CNTN5: variants seen among roughly 807,000 people sequenced by gnomAD.
The protein encoded by CNTN5 is contactin 5, also known as contactin-5.
CNTN5 carries 77 observed loss-of-function variants against 129.1 expected under a neutral mutation model. The ratio of observed to expected loss-of-function variants is 0.60; its 90% CI spans 0.50 to 0.72. The LOEUF is 0.72. Among genes scored for constraint, CNTN5 ranks in the 30% least tolerant of loss-of-function variants. The pLI, the probability that CNTN5 is intolerant of heterozygous loss-of-function variation, is 0.00. For synonymous variants in CNTN5, 509 were observed against 465.6 expected (o/e 1.09, Z -1.20); for missense variants, 1,478 against 1,328.8 (o/e 1.11, Z -1.75).
At chr11:99,255,789 AACACACACACGC>A (rs1454045424) in intron 1 of CNTN5, among the ~76,000 whole-genome samples, 29 of 150,690 alleles carry the variant, frequency 1.9e-4, no homozygotes, top group African/African-American at 6.8e-4. Flanking sequence ...TACATGCATA[AACACACACACGC>A]ACACACACAC....
chr11:99,882,892 C>T (rs1275054832), intron 6 of CNTN5, among the ~76,000 whole-genome samples: 3 of 152,090 alleles, frequency 2.0e-5, no homozygotes, highest in Non-Finnish European at 4.4e-5. Flanking sequence ...CATCTGGTAA[C>T]CATCTTTGTA....
intron 6 of CNTN5, among the ~76,000 whole-genome samples, chr11:99,877,875 C>T (rs1487400632): frequency 6.6e-6 from 1 of 152,158 alleles, no homozygotes; most frequent in Non-Finnish European, 1.5e-5. Flanking sequence ...TTTCACCATT[C>T]ACTATCAAAA....
Position 99,441,219 on chromosome 11 carries a change from C to T in CNTN5, c.-70-114926C>T, listed in dbSNP as rs7949662. Among the ~76,000 whole-genome samples the T allele has an allele frequency of 4.5e-3, 690 of 152,228 alleles. 5 individuals are homozygous for T. Among genetic ancestry groups the T allele is most frequent in the African/African-American group, 0.015 (626 of 41,542 alleles). On this transcript the variant is annotated intron_variant, in intron 2 of 24. Transcript: ENST00000524871. ...TCATGCCTTAACTCTCTCTAAAGAGCGTCAAAATATTGAGAATAATTTCTG... is the reference window on the plus strand; with the variant it reads ...TCATGCCTTAACTCTCTCTAAAGAGTGTCAAAATATTGAGAATAATTTCTG...
intron 2 of CNTN5, among the ~76,000 whole-genome samples, chr11:99,424,244 C>A (rs944850138): frequency 7.9e-5 from 12 of 152,194 alleles, no homozygotes; most frequent in African/African-American, 2.4e-4. Flanking sequence ...ACAAGCACTA[C>A]AATCTAAACA....
At chr11:99,619,465 C>A (rs1198724775) in intron 3 of CNTN5, among the ~76,000 whole-genome samples, 4 of 151,956 alleles carry the variant, frequency 2.6e-5, no homozygotes, top group Non-Finnish European at 5.9e-5. Flanking sequence ...AAATTGCTTC[C>A]ATTTCACATT....
intron 1 of CNTN5, among the ~76,000 whole-genome samples, chr11:99,274,735 C>T (rs895186914): frequency 6.6e-6 from 1 of 151,296 alleles, no homozygotes; most frequent in Non-Finnish European, 1.5e-5. Context: ...TCTGACACTT[C>T]GTAGCTTTGA....
chr11:99,976,694 C>T (rs879535731), intron 8 of CNTN5, among the ~76,000 whole-genome samples: 16 of 152,160 alleles, frequency 1.1e-4, no homozygotes, highest in African/African-American at 3.4e-4. Flanking sequence ...TGCCATGTCC[C>T]GAGGCTGCAC....
intron 4 of CNTN5, among the ~76,000 whole-genome samples, chr11:99,838,871 C>T (rs1041670424): frequency 2.0e-5 from 3 of 152,064 alleles, no homozygotes; most frequent in African/African-American, 4.8e-5. Context: ...ATATAGTATG[C>T]CTTTTGCTTT....
intron 3 of CNTN5, among the ~76,000 whole-genome samples, chr11:99,791,493 T>C (rs1442689904): frequency 1.3e-5 from 2 of 152,122 alleles, no homozygotes; most frequent in African/African-American, 4.8e-5. Context: ...TTTTCTTCTA[T>C]TCATCTATGT....
At chr11:100,202,006 TA>T (rs1225831303) in intron 15 of CNTN5, among the ~76,000 whole-genome samples, 1 of 152,060 alleles carries the variant, frequency 6.6e-6, no homozygotes, top group African/African-American at 2.4e-5. Flanking sequence ...GTTGAATGCC[TA>T]ATAGATACCT....
chr11:99,963,358 G>C (rs1951003429), intron 8 of CNTN5, among the ~76,000 whole-genome samples: 1 of 152,142 alleles, frequency 6.6e-6, no homozygotes, highest in African/African-American at 2.4e-5. Context: ...AGGGGATCCA[G>C]TTTCAGCTTT....
intron 16 of CNTN5, among the ~76,000 whole-genome samples, chr11:100,235,475 G>C (rs1480874488): frequency 6.6e-6 from 1 of 152,060 alleles, no homozygotes; most frequent in East Asian, 1.9e-4. Context: ...AGGAGGAGGC[G>C]GTAAGGTAGA....
intron 9 of CNTN5, among the ~76,000 whole-genome samples, chr11:100,031,668 C>T (rs1287629061): frequency 6.6e-6 from 1 of 152,144 alleles, no homozygotes; most frequent in Non-Finnish European, 1.5e-5. Flanking sequence ...TGATTAATAT[C>T]TTGCTAATCA....
In CNTN5 at chr11:99,505,880, G is replaced by A. The variant is rs112181246; in HGVS notation, c.-70-50265G>A. On this transcript the variant is annotated intron_variant, in intron 2 of 24. Transcript: ENST00000524871. ...CATTTTGCCAGGCTCCTGGTCATTG[G>A]TCCATAAATGAATGACACTCTTCAG... 3.1e-3 allele frequency among the ~76,000 whole-genome samples: 466 copies of A among 152,264 alleles called. 4 individuals carry two copies. The highest frequency in any genetic ancestry group is 0.01 in the African/African-American group (430 of 41,558).
At chr11:99,686,665 G>T (rs1386459390) in intron 3 of CNTN5, among the ~76,000 whole-genome samples, 2 of 151,892 alleles carry the variant, frequency 1.3e-5, no homozygotes, top group African/African-American at 4.8e-5. Flanking sequence ...TTGGCTTTTT[G>T]GGTTTCGGGT....
chr11:99,819,598 T>A lies in CNTN5; in HGVS notation c.110T>A (p.Ile37Asn). ...LSTSYAALLR[I>N]KKSSSSSLFG... ...ACTTCATATGCTGCTTTGTTAAGAA[T>A]TAAGAAGAGTTCATCTTCATCTCTC... Residue 37 changes from isoleucine to asparagine, a missense_variant, in exon 4 of 25, where the codon ATT becomes AAT. Ile to Asn is a moderately radical substitution (Grantham distance 149, BLOSUM62 -3). Coordinates refer to ENST00000524871, the MANE Select transcript of CNTN5 (RefSeq NM_014361.4). The A allele has an allele frequency of 6.2e-7, 1 of 1,612,962 alleles. No homozygotes were observed. The highest frequency in any genetic ancestry group is 8.5e-7 in the Non-Finnish European group (1 of 1,179,810).
chr11:99,737,412 C>T lies in CNTN5; in HGVS notation c.56-82132C>T, dbSNP rs192883152. 3.6e-3 allele frequency among the ~76,000 whole-genome samples: 541 copies of T among 152,258 alleles called. 5 individuals are homozygous for T. Among genetic ancestry groups the T allele is most frequent in the African/African-American group, 0.012 (518 of 41,552 alleles). On this transcript the variant is annotated intron_variant, in intron 3 of 24. Transcript: ENST00000524871. The stretch of plus-strand genomic sequence containing the variant: ...TAACCATGAAGCAATACAACATCTT[C>T]TTTCTGACCAGTGAATTAAGAAGAT...
intron 1 of CNTN5, among the ~76,000 whole-genome samples, chr11:99,242,988 G>T (rs1352645878): frequency 6.6e-6 from 1 of 152,046 alleles, no homozygotes; most frequent in Admixed American, 6.6e-5. Flanking sequence ...TATTCTTTTG[G>T]ATATACACCC....
chr11:99,735,915 G>T (rs1943690882), intron 3 of CNTN5, among the ~76,000 whole-genome samples: 1 of 152,046 alleles, frequency 6.6e-6, no homozygotes, highest in South Asian at 2.1e-4. Context: ...TGTACACCTT[G>T]ACCACCGTCT....
Sources: allele counts gnomAD v4.1 joint callset (sites outside exome capture counted in the v4.1 genomes callset), GRCh38; gene constraint gnomAD v4.1.1; transcripts MANE v1.5; gene names NCBI Gene and HGNC (gene_info 2026-07-23, HGNC 2026-07-21).